The following PTPRT variants were observed in gnomAD, a reference collection of about 807,000 sequenced individuals.
PTPRT encodes the protein protein tyrosine phosphatase receptor type T.
In PTPRT, 56 loss-of-function variants were observed where a neutral mutation model predicts 176.8. That is an observed-to-expected ratio of 0.32 (90% CI 0.26 to 0.40). The LOEUF (loss-of-function observed/expected upper bound fraction) is 0.40. Among genes scored for constraint, PTPRT ranks in the 10% least tolerant of loss-of-function variants. The pLI is 1.00. For synonymous variants in PTPRT, 783 were observed against 739.0 expected (o/e 1.06, Z -0.96); for missense variants, 1,540 against 1,908.2 (o/e 0.81, Z 3.60).
intron 17 of PTPRT, among the ~76,000 whole-genome samples, chr20:42,153,459 T>C (rs1043822978): frequency 6.6e-6 from 1 of 152,152 alleles, no homozygotes; most frequent in African/African-American, 2.4e-5. Context: ...AAAGGATTTT[T>C]CTATAGTACC....
In PTPRT at chr20:43,076,425, A is replaced by C. The variant is rs569485953; in HGVS notation, c.88+113221T>G. Among the ~76,000 whole-genome samples, 268 of 106,942 alleles carry C rather than the reference A, an allele frequency of 2.5e-3. 2 individuals are homozygous for C. Among genetic ancestry groups the C allele is most frequent in the African/African-American group, 8.7e-3 (254 of 29,166 alleles). 70.2% of individuals were successfully genotyped at this position (106,942 alleles called of 152,430 possible). A position where few individuals can be genotyped will look rare whatever the true frequency, so the allele number is the denominator to read the frequency against. On this transcript the variant is annotated intron_variant, in intron 1 of 30. Transcript: ENST00000373187. Reference sequence around the variant, plus strand: ...CTTTATTTTTAATGCAAGCCAAATGAAACCAAAAAAAAAAATACTTCAGGA... The same window carrying C: ...CTTTATTTTTAATGCAAGCCAAATGCAACCAAAAAAAAAAATACTTCAGGA...
chr20:42,646,982 T>C (rs1187894022), intron 7 of PTPRT, among the ~76,000 whole-genome samples: 1 of 143,650 alleles, frequency 7.0e-6, no homozygotes. Context: ...GCAGCCTTAA[T>C]CTACTGGGCT....
chr20:42,562,131 C>A (rs1387988328), intron 7 of PTPRT, among the ~76,000 whole-genome samples: 2 of 152,190 alleles, frequency 1.3e-5, no homozygotes, highest in African/African-American at 2.4e-5. Context: ...CTGTAATTTG[C>A]ATTCAGTAAA....
intron 7 of PTPRT, among the ~76,000 whole-genome samples, chr20:42,598,982 C>T (rs1318852959): frequency 6.6e-6 from 1 of 152,118 alleles, no homozygotes; most frequent in African/African-American, 2.4e-5. Context: ...TCAAAGTGTT[C>T]CAACAATCAT....
chr20:42,506,581 G>A (rs953253566), intron 7 of PTPRT, among the ~76,000 whole-genome samples: 1 of 152,062 alleles, frequency 6.6e-6, no homozygotes, highest in Non-Finnish European at 1.5e-5. Context: ...TCCAGGTTGT[G>A]AACAATGTTG....
chr20:42,253,492 CTCT>C (rs1286562039), intron 13 of PTPRT, among the ~76,000 whole-genome samples: 6 of 152,108 alleles, frequency 3.9e-5, no homozygotes, highest in African/African-American at 1.4e-4. Context: ...CTGTCTCCGA[CTCT>C]GGGTGACTTT....
intron 1 of PTPRT, among the ~76,000 whole-genome samples, chr20:42,950,706 C>T (rs943357819): frequency 6.6e-6 from 1 of 152,154 alleles, no homozygotes. Context: ...CATGCCTATA[C>T]CTTAGCTTTA....
chr20:42,924,825 T>C (rs1252215283), intron 1 of PTPRT, among the ~76,000 whole-genome samples: 1 of 152,198 alleles, frequency 6.6e-6, no homozygotes, highest in Non-Finnish European at 1.5e-5. Flanking sequence ...GCCTCATCTG[T>C]GGTTCCCAAA....
chr20:42,743,380 GA>G (rs1569127979), intron 6 of PTPRT, among the ~76,000 whole-genome samples: 1 of 152,120 alleles, frequency 6.6e-6, no homozygotes. Flanking sequence ...GGTTAGGGGG[GA>G]AAAAAGAAAC....
At chr20:42,709,592 C>T (rs2076113538) in intron 6 of PTPRT, among the ~76,000 whole-genome samples, 1 of 152,148 alleles carries the variant, frequency 6.6e-6, no homozygotes, top group South Asian at 2.1e-4. Flanking sequence ...ATAAATTACC[C>T]AACCTCAGAT....
intron 2 of PTPRT, among the ~76,000 whole-genome samples, chr20:42,824,368 T>G (rs2077955254): frequency 6.6e-6 from 1 of 152,004 alleles, no homozygotes; most frequent in African/African-American, 2.4e-5. Flanking sequence ...TATTAAGAAT[T>G]AAATACCTAG....
chr20:42,588,166 G>A lies in PTPRT; in HGVS notation c.1153+89700C>T, dbSNP rs138177819. On this transcript the variant is annotated intron_variant, in intron 7 of 30. Coordinates refer to ENST00000373187, the MANE Select transcript of PTPRT (RefSeq NM_007050.6). ...CAATTGAAATGTGGCTGGTACAGCCGGGCACAGTGGCTCATGCCTGTAATC... is the reference window on the plus strand; with the variant it reads ...CAATTGAAATGTGGCTGGTACAGCCAGGCACAGTGGCTCATGCCTGTAATC... Among the ~76,000 whole-genome samples, 118 of 152,182 alleles carry A rather than the reference G, an allele frequency of 7.8e-4. No individual in the cohort carries two copies. The East Asian group carries it at 0.022, about 28-fold the overall frequency.
intron 12 of PTPRT, among the ~76,000 whole-genome samples, chr20:42,302,709 T>C (rs562724803): frequency 6.6e-6 from 1 of 152,314 alleles, no homozygotes; most frequent in South Asian, 2.1e-4. Flanking sequence ...TATTCCCAAC[T>C]GACTCACAAC....
chr20:42,856,612 T>G (rs1006571760), intron 2 of PTPRT, among the ~76,000 whole-genome samples: 12 of 152,048 alleles, frequency 7.9e-5, no homozygotes, highest in Non-Finnish European at 1.0e-4. Flanking sequence ...CCCCCAGGGT[T>G]GTCTTCTGGG....
chr20:42,767,023 C>T (rs962050205), intron 5 of PTPRT, among the ~76,000 whole-genome samples: 2 of 152,184 alleles, frequency 1.3e-5, no homozygotes, highest in Non-Finnish European at 2.9e-5. Flanking sequence ...GCCAGCCACT[C>T]CTCTACTGCT....
chr20:42,590,527 C>T (rs1186567663), intron 7 of PTPRT, among the ~76,000 whole-genome samples: 1 of 151,992 alleles, frequency 6.6e-6, no homozygotes, highest in Non-Finnish European at 1.5e-5. Context: ...AAAAAAGTAA[C>T]CAATCACAAG....
chr20:42,205,383 G>A (rs938431809), intron 15 of PTPRT, among the ~76,000 whole-genome samples: 1 of 152,130 alleles, frequency 6.6e-6, no homozygotes, highest in Non-Finnish European at 1.5e-5. Flanking sequence ...GAGCAAGTAC[G>A]TTGAATCTGT....
At chr20:42,855,675 G>A (rs2078551321) in intron 2 of PTPRT, among the ~76,000 whole-genome samples, 1 of 151,748 alleles carries the variant, frequency 6.6e-6, no homozygotes, top group Non-Finnish European at 1.5e-5. Flanking sequence ...CAAGCAATCT[G>A]ACCACCTCAG....
At chr20:42,709,864 T>A (rs989319566) in intron 6 of PTPRT, among the ~76,000 whole-genome samples, 4 of 152,110 alleles carry the variant, frequency 2.6e-5, no homozygotes, top group African/African-American at 9.7e-5. Flanking sequence ...TAGATGGAAA[T>A]GAAGGATTTA....
Sources: allele counts gnomAD v4.1 joint callset (sites outside exome capture counted in the v4.1 genomes callset), GRCh38; gene constraint gnomAD v4.1.1; transcripts MANE v1.5; gene names NCBI Gene and HGNC (gene_info 2026-07-23, HGNC 2026-07-21).